The following MBTD1 variants were observed in gnomAD, a reference collection of about 807,000 sequenced individuals.
The protein encoded by MBTD1 is mbt domain containing 1.
In MBTD1, 24 loss-of-function variants were observed where a neutral mutation model predicts 87.8. The ratio of observed to expected loss-of-function variants is 0.27; its 90% CI spans 0.20 to 0.38. The LOEUF (loss-of-function observed/expected upper bound fraction) is 0.38. Among genes scored for constraint, MBTD1 ranks in the 10% least tolerant of loss-of-function variants. The probability of loss-of-function intolerance (pLI) is 1.00; values close to 1 mark genes in which losing one functional copy is unlikely to be tolerated. For missense variants in MBTD1, 436 were observed against 760.2 expected (o/e 0.57, Z 5.02); for synonymous variants, 237 against 248.6 (o/e 0.95, Z 0.44).
chr17:51,224,731 TC>T (rs1362246003), intron 3 of MBTD1, among the ~76,000 whole-genome samples: 6 of 152,246 alleles, frequency 3.9e-5, no homozygotes, highest in African/African-American at 1.4e-4. Context: ...ACTTATACTT[TC>T]AGTTACAGAG....
intron 12 of MBTD1, among the ~76,000 whole-genome samples, chr17:51,197,132 T>C (rs1192534980): frequency 1.0e-5 from 1 of 97,044 alleles, no homozygotes; most frequent in African/African-American, 3.5e-5. Flanking sequence ...GACGGAGTCT[T>C]GCTTTGTTGC....
rs747801131 is a variant in MBTD1, at chr17:51,203,682, C to T, written c.739+109G>A. ...AAAGTGCTGGGATTACAGGTGTGAG[C>T]GGCCATGCCCGGCCTTTAATTTCCA... On this transcript the variant is annotated intron_variant, in intron 8 of 16. Transcript: ENST00000586178. 8.0e-5 allele frequency: 94 copies of T among 1,172,670 alleles called. No individual in the cohort carries two copies. The Admixed American group carries it at 9.7e-4, about 12-fold the overall frequency. The allele number at this position is 1,172,670 out of a possible 1,614,324, so 72.6% of individuals were successfully genotyped here.
chr17:51,189,208 A>C (rs1014932915), intron 16 of MBTD1, among the ~76,000 whole-genome samples: 4 of 152,166 alleles, frequency 2.6e-5, no homozygotes, highest in African/African-American at 9.7e-5. Flanking sequence ...TACATAATGT[A>C]TGTTACACAG....
At chr17:51,240,025 T>C (rs1289724381) in intron 2 of MBTD1, among the ~76,000 whole-genome samples, 2 of 152,230 alleles carry the variant, frequency 1.3e-5, no homozygotes, top group African/African-American at 4.8e-5. Flanking sequence ...GTCTTTAATC[T>C]AGAGGGAGAC....
chr17:51,185,970 C>T (rs1220098556), intron 16 of MBTD1: 1 of 152,606 alleles, frequency 6.6e-6, no homozygotes, highest in Non-Finnish European at 1.5e-5. Flanking sequence ...CTCCCACCAC[C>T]CTACCCAGTA....
intron 2 of MBTD1, chr17:51,251,734 T>C (rs2054798459): frequency 6.6e-6 from 1 of 152,260 alleles, no homozygotes; most frequent in Non-Finnish European, 1.5e-5. Context: ...AGTTGAACTC[T>C]TAAACACATT....
chr17:51,258,134 G>A (rs1258278627), intron 2 of MBTD1, among the ~76,000 whole-genome samples: 3 of 152,156 alleles, frequency 2.0e-5, no homozygotes, highest in Admixed American at 6.5e-5. Flanking sequence ...TATAAGAGGA[G>A]GAGAGAAAAA....
upstream of MBTD1, chr17:51,260,740 C>T (rs369956662): frequency 3.9e-3 from 6,172 of 1,588,190 alleles, 24 homozygotes; most frequent in Middle Eastern, 6.2e-3. Context: ...AACCGCCGGC[C>T]CGGCCGAGCG....
At chr17:51,241,510 C>G (rs1419580716) in intron 2 of MBTD1, among the ~76,000 whole-genome samples, 1 of 152,094 alleles carries the variant, frequency 6.6e-6, no homozygotes, top group Non-Finnish European at 1.5e-5. Context: ...TAAGAAACAG[C>G]TCTCTTTTTT....
At chr17:51,258,343 G>A (rs2055214650) in intron 2 of MBTD1, among the ~76,000 whole-genome samples, 1 of 152,134 alleles carries the variant, frequency 6.6e-6, no homozygotes, top group African/African-American at 2.4e-5. Flanking sequence ...CCAAATGAAG[G>A]AGAATGTTAG....
chr17:51,236,746 C>T (rs889642011), intron 2 of MBTD1, among the ~76,000 whole-genome samples: 8 of 144,388 alleles, frequency 5.5e-5, no homozygotes, highest in African/African-American at 2.1e-4. Context: ...TGATTTTTGA[C>T]AAAGCTGAAA....
At position 51,203,872 on chromosome 17, in the gene MBTD1, A is replaced by G; in HGVS notation, c.658T>C (p.Phe220Leu). The G allele has an allele frequency of 1.9e-6, 3 of 1,613,388 alleles. No homozygotes were observed. Among genetic ancestry groups the G allele is most frequent in the Non-Finnish European group, 2.5e-6 (3 of 1,179,762 alleles). Residue 220 changes from phenylalanine (F) to leucine (L), a missense_variant, in exon 8 of 17, where the codon TTC (phenylalanine) becomes CTC (leucine). Coordinates refer to ENST00000586178, the MANE Select transcript of MBTD1 (RefSeq NM_017643.3). ...TCAGAACCACATATATTGCACCAGA[A>G]GTCCAGACCAGAGTCATTTTCAAAT... ...EGFENDSGLD[F>L]WCNICGSDIH...
chr17:51,235,896 G>T (rs1437886218), intron 2 of MBTD1, among the ~76,000 whole-genome samples: 1 of 152,090 alleles, frequency 6.6e-6, no homozygotes, highest in African/African-American at 2.4e-5. Context: ...CTGACTCCAA[G>T]ATATATTATA....
intron 2 of MBTD1, among the ~76,000 whole-genome samples, chr17:51,248,991 C>A (rs1422505567): frequency 6.6e-6 from 1 of 152,054 alleles, no homozygotes; most frequent in Non-Finnish European, 1.5e-5. Context: ...TGGCTCACAC[C>A]TATAATCCCA....
chr17:51,245,722 T>C (rs1048686296), intron 2 of MBTD1, among the ~76,000 whole-genome samples: 16 of 152,138 alleles, frequency 1.1e-4, no homozygotes, highest in Non-Finnish European at 1.6e-4. Context: ...TGGTCTGTTC[T>C]TGTGCCAATG....
At chr17:51,206,355 G>A (rs2051835151) in intron 7 of MBTD1, among the ~76,000 whole-genome samples, 1 of 151,930 alleles carries the variant, frequency 6.6e-6, no homozygotes, top group African/African-American at 2.4e-5. Flanking sequence ...CTAACCTCCC[G>A]CCTCTGCCTC....
intron 12 of MBTD1, among the ~76,000 whole-genome samples, chr17:51,198,506 C>T (rs1485514782): frequency 6.6e-6 from 1 of 152,216 alleles, no homozygotes; most frequent in Non-Finnish European, 1.5e-5. Flanking sequence ...GACAGAACTA[C>T]CCCACTTACA....
chr17:51,184,280 T>C (rs971700585), intron 16 of MBTD1: 2 of 152,246 alleles, frequency 1.3e-5, no homozygotes, highest in African/African-American at 4.8e-5. Context: ...TGTGGTTGAA[T>C]GTCACTTTCT....
In MBTD1 at chr17:51,209,299, T is replaced by C; in HGVS notation, c.487-2294A>G. The C allele has an allele frequency of 7.1e-5, 33 of 464,844 alleles. 2 individuals carry two copies. The highest frequency in any genetic ancestry group is 5.1e-4 in the South Asian group (33 of 64,086). 28.8% of individuals were successfully genotyped at this position (464,844 alleles called of 1,614,324 possible). On this transcript the variant is annotated intron_variant, in intron 6 of 16. Coordinates refer to ENST00000586178, the MANE Select transcript of MBTD1 (RefSeq NM_017643.3). ...AACTAGCAGAACCATAATTTACAGGTAACAACAAATTTACCTTCCAGACTC... is the reference window on the plus strand; with the variant it reads ...AACTAGCAGAACCATAATTTACAGGCAACAACAAATTTACCTTCCAGACTC...
Sources: allele counts gnomAD v4.1 joint callset (sites outside exome capture counted in the v4.1 genomes callset), GRCh38; gene constraint gnomAD v4.1.1; transcripts MANE v1.5; gene names NCBI Gene and HGNC (gene_info 2026-07-23, HGNC 2026-07-21).